The following LARP1B variants were observed in gnomAD, a reference collection of about 807,000 sequenced individuals.
LARP1B encodes la-related protein 1B.
Under a neutral mutation model 114.2 loss-of-function variants are expected in LARP1B, and 76 were observed. That is an observed-to-expected ratio of 0.67 (90% CI 0.55 to 0.81). The LOEUF is 0.81. Among genes scored for constraint, LARP1B ranks in the 30% least tolerant of loss-of-function variants. The pLI is 0.00. For synonymous variants in LARP1B, 345 were observed against 348.0 expected, an observed-to-expected ratio of 0.99 and a Z score of 0.10; for missense variants, 1,014 against 1,075.8, an observed-to-expected ratio of 0.94 and a Z score of 0.80.
intron 11 of LARP1B, among the ~76,000 whole-genome samples, chr4:128,127,616 C>T (rs898046195): frequency 6.6e-6 from 1 of 152,030 alleles, no homozygotes; most frequent in Non-Finnish European, 1.5e-5. Context: ...GGTGTATTAC[C>T]TGAGGTCAGG....
chr4:128,097,315 GTTTTT>G (rs920048876), intron 7 of LARP1B, among the ~76,000 whole-genome samples: 4 of 150,002 alleles, frequency 2.7e-5, no homozygotes, highest in Non-Finnish European at 5.9e-5. Context: ...GTTTTGTTTT[GTTTTT>G]TTTTGAGATG....
intron 8 of LARP1B, among the ~76,000 whole-genome samples, chr4:128,100,053 G>A (rs781089990): frequency 1.4e-4 from 21 of 151,882 alleles, no homozygotes; most frequent in African/African-American, 4.6e-4. Flanking sequence ...TCCACCTCCC[G>A]GATTCAAGCA....
In LARP1B at chr4:128,107,243, A is replaced by G; in HGVS notation, c.918A>G (p.Pro306=). The part of the protein sequence containing the change: ...PIPGPPPRSV[P]PTDFSQLIDC... ...CAGGCCCTCCTCCACGCAGTGTGCC[A>G]CCAACAGACTTCTCTCAACTGATTG... The change falls in exon 9 of 20, where the codon CCA becomes CCG. Residue 306 remains proline (P), a synonymous_variant. Transcript: ENST00000326639. 1 of 1,614,164 alleles carries G rather than the reference A, an allele frequency of 6.2e-7. No individual in the cohort carries two copies. The highest frequency in any genetic ancestry group is 1.3e-5 in the African/African-American group (1 of 75,056).
intron 8 of LARP1B, among the ~76,000 whole-genome samples, chr4:128,105,915 A>T (rs537842817): frequency 6.6e-5 from 10 of 152,326 alleles, no homozygotes; most frequent in African/African-American, 2.2e-4. Flanking sequence ...ATAATAATAA[A>T]AAAAGAAATG....
At chr4:128,076,560 T>G (rs1269621305) in intron 3 of LARP1B, among the ~76,000 whole-genome samples, 1 of 152,240 alleles carries the variant, frequency 6.6e-6, no homozygotes, top group Non-Finnish European at 1.5e-5. Flanking sequence ...CAAATAAAAC[T>G]GCTATATGAA....
Position 128,210,253 on chromosome 4 carries a change from A to G in LARP1B, c.*200A>G. The stretch of plus-strand genomic sequence containing the variant: ...ATTTTTTCTAACAAGATAAATTCTA[A>G]AAATGTTTTCCCTGATTTCACAAAC... On this transcript the variant is annotated 3_prime_UTR_variant, in exon 20 of 20. Coordinates refer to ENST00000326639, the MANE Select transcript of LARP1B (RefSeq NM_018078.4). 2.9e-6 allele frequency: 4 copies of G among 1,398,540 alleles called. No individual in the cohort carries two copies. Among genetic ancestry groups the G allele is most frequent in the Non-Finnish European group, 3.7e-6 (4 of 1,080,532 alleles). 86.6% of individuals were successfully genotyped at this position (1,398,540 alleles called of 1,614,324 possible). A position where few individuals can be genotyped will look rare whatever the true frequency, so the allele number is the denominator to read the frequency against.
chr4:128,103,396 G>A (rs1189290633), intron 8 of LARP1B, among the ~76,000 whole-genome samples: 1 of 151,960 alleles, frequency 6.6e-6, no homozygotes. Flanking sequence ...AAGGTATATG[G>A]TAAAAATTTT....
At chr4:128,201,890 A>G (rs1214723232) in intron 17 of LARP1B, among the ~76,000 whole-genome samples, 1 of 152,208 alleles carries the variant, frequency 6.6e-6, no homozygotes, top group Non-Finnish European at 1.5e-5. Context: ...ACCCTTCTTT[A>G]AGTTCTGAAA....
intron 19 of LARP1B, among the ~76,000 whole-genome samples, chr4:128,207,717 T>C (rs1757971501): frequency 6.6e-6 from 1 of 152,252 alleles, no homozygotes; most frequent in Admixed American, 6.5e-5. Flanking sequence ...CACTTTTTAA[T>C]GATCTTTTAT....
At chr4:128,151,759 T>C (rs1732900215) in intron 11 of LARP1B, among the ~76,000 whole-genome samples, 4 of 151,986 alleles carry the variant, frequency 2.6e-5, no homozygotes, top group African/African-American at 7.2e-5. Context: ...TGCACTACCA[T>C]GTCTGGCTAA....
intron 11 of LARP1B, among the ~76,000 whole-genome samples, chr4:128,138,766 TG>T (rs1472340580): frequency 6.6e-6 from 1 of 152,142 alleles, no homozygotes; most frequent in African/African-American, 2.4e-5. Context: ...AAGACCAGCC[TG>T]GCCACCGTGG....
downstream of LARP1B, among the ~76,000 whole-genome samples, chr4:128,212,973 CA>C (rs1759198120): frequency 7.9e-6 from 1 of 125,804 alleles, no homozygotes; most frequent in Admixed American, 1.1e-4. Flanking sequence ...GGCTGGAGTG[CA>C]ATGACGCGAT....
intron 1 of LARP1B, among the ~76,000 whole-genome samples, chr4:128,065,329 CTCTT>C (rs929020857): frequency 2.8e-5 from 3 of 106,292 alleles, no homozygotes; most frequent in East Asian, 2.5e-4. Context: ...CTCTCTCTCT[CTCTT>C]TCCTTTCTTT....
At chr4:128,136,308 G>A (rs1725237347) in intron 11 of LARP1B, among the ~76,000 whole-genome samples, 1 of 143,652 alleles carries the variant, frequency 7.0e-6, no homozygotes, top group Non-Finnish European at 1.5e-5. Context: ...ACAAATAACA[G>A]TCTCAAGAAA....
In LARP1B at chr4:128,210,588, T is replaced by G; in HGVS notation, c.*535T>G. 1 of 923,352 alleles carries G rather than the reference T, an allele frequency of 1.1e-6. No homozygotes were observed. Among genetic ancestry groups the G allele is most frequent in the Non-Finnish European group, 1.3e-6 (1 of 773,050 alleles). The allele number at this position is 923,352 out of a possible 1,614,324, so 57.2% of individuals were successfully genotyped here. Reference sequence around the variant, plus strand: ...TCAAAAAAGAATATGAAATTATACCTTTAGTATCCCTTTGAGACATATAGT... The same window carrying G: ...TCAAAAAAGAATATGAAATTATACCGTTAGTATCCCTTTGAGACATATAGT... On this transcript the variant is annotated 3_prime_UTR_variant, in exon 20 of 20. Transcript: ENST00000326639.
At chr4:128,065,273 C>CT (rs1280105093) in intron 1 of LARP1B, among the ~76,000 whole-genome samples, 320 of 116,108 alleles carry the variant, frequency 2.8e-3, no homozygotes, top group Middle Eastern at 4.9e-3. Flanking sequence ...TTCTTTCTTT[C>CT]TTTCTTTCTT....
intron 7 of LARP1B, among the ~76,000 whole-genome samples, chr4:128,092,571 A>G (rs1173667214): frequency 6.6e-6 from 1 of 152,236 alleles, no homozygotes; most frequent in Non-Finnish European, 1.5e-5. Context: ...TCTCCTTACA[A>G]GGTGAAGGAA....
chr4:128,123,257 A>C, intron 11 of LARP1B: 10 of 985,380 alleles, frequency 1.0e-5, no homozygotes, highest in Non-Finnish European at 1.2e-5. Context: ...CGTGACTTAG[A>C]GCCTTAGCAG....
chr4:128,210,267 G>A lies in LARP1B; in HGVS notation c.*214G>A. 1 of 1,377,198 alleles carries A rather than the reference G, an allele frequency of 7.3e-7. No homozygotes were observed. Among genetic ancestry groups the A allele is most frequent in the Non-Finnish European group, 9.4e-7 (1 of 1,067,696 alleles). The allele number at this position is 1,377,198 out of a possible 1,614,324, so 85.3% of individuals were successfully genotyped here. A position where few individuals can be genotyped will look rare whatever the true frequency, so the allele number is the denominator to read the frequency against. On this transcript the variant is annotated 3_prime_UTR_variant, in exon 20 of 20. Coordinates refer to ENST00000326639, the MANE Select transcript of LARP1B (RefSeq NM_018078.4). Reference sequence around the variant, plus strand: ...GATAAATTCTAAAAATGTTTTCCCTGATTTCACAAACAAGGATAGTCTTGG... The same window carrying A: ...GATAAATTCTAAAAATGTTTTCCCTAATTTCACAAACAAGGATAGTCTTGG...
Sources: gnomAD v4.1 joint callset for allele counts (sites outside exome capture counted in the v4.1 genomes callset) on GRCh38, gnomAD v4.1.1 for gene constraint, MANE v1.5 for transcripts, NCBI Gene and HGNC (gene_info 2026-07-23, HGNC 2026-07-21) for gene names.